ACOXL: variants seen among roughly 807,000 people sequenced by gnomAD.
ACOXL encodes the protein acyl-CoA oxidase like.
ACOXL carries 70 observed loss-of-function variants against 71.9 expected under a neutral mutation model. The observed-to-expected ratio is 0.97, with a 90% CI of 0.80 to 1.19. ACOXL has a LOEUF of 1.19. Ranked by LOEUF, ACOXL falls within the 50% of genes most tolerant of loss-of-function variation. The pLI is 0.00. For missense variants in ACOXL, 703 were observed against 736.3 expected (o/e 0.95, Z 0.52); for synonymous variants, 253 against 281.6 (o/e 0.90, Z 1.02).
intron 2 of ACOXL, among the ~76,000 whole-genome samples, chr2:110,768,982 G>A (rs1378800925): frequency 2.0e-5 from 3 of 151,296 alleles, no homozygotes; most frequent in Admixed American, 6.6e-5. Flanking sequence ...CCCTTTCCTC[G>A]GCCCACACAT....
intron 17 of ACOXL, chr2:111,094,382 A>C (rs2068697635): frequency 6.6e-6 from 1 of 152,242 alleles, no homozygotes; most frequent in African/African-American, 2.4e-5. Context: ...GCTGTAACAG[A>C]ATACCATAGA....
chr2:111,067,111 A>T (rs370732623), intron 16 of ACOXL, among the ~76,000 whole-genome samples: 5 of 152,198 alleles, frequency 3.3e-5, no homozygotes, highest in African/African-American at 1.2e-4. Flanking sequence ...CTATAATGAA[A>T]ACCTCAGTAA....
At chr2:110,841,602 A>T (rs143968309) in intron 10 of ACOXL, among the ~76,000 whole-genome samples, 197 bp downstream of exon 10, 3 of 152,214 alleles carry the variant, frequency 2.0e-5, no homozygotes, top group Non-Finnish European at 1.5e-5. Context: ...TTGTGAAAAC[A>T]TGGTGGTAGA....
intron 14 of ACOXL, among the ~76,000 whole-genome samples, chr2:111,022,428 C>T (rs1371851087): frequency 2.0e-5 from 3 of 151,620 alleles, no homozygotes; most frequent in African/African-American, 7.3e-5. Context: ...TCCTCACACA[C>T]ACACACACAC....
intron 1 of ACOXL, among the ~76,000 whole-genome samples, chr2:110,755,937 G>A (rs1679628116): frequency 6.6e-6 from 1 of 152,100 alleles, no homozygotes; most frequent in Non-Finnish European, 1.5e-5. Context: ...CAAGCAATAT[G>A]TGTATTGTTA....
At chr2:110,881,768 A>G (rs1696680462) in intron 10 of ACOXL, among the ~76,000 whole-genome samples, 1 of 152,094 alleles carries the variant, frequency 6.6e-6, no homozygotes, top group Admixed American at 6.6e-5. Flanking sequence ...TTCTTCTTTT[A>G]ATCAGTGTAA....
chr2:111,053,653 G>A (rs2149846844), intron 16 of ACOXL, among the ~76,000 whole-genome samples: 1 of 152,288 alleles, frequency 6.6e-6, no homozygotes, highest in East Asian at 1.9e-4. Context: ...CAGATCTCCT[G>A]GTGACAGTCT....
At chr2:111,049,734 C>G (rs2066192462) in intron 16 of ACOXL, among the ~76,000 whole-genome samples, 1 of 152,148 alleles carries the variant, frequency 6.6e-6, no homozygotes, top group Admixed American at 6.5e-5. Context: ...TATTCACCAC[C>G]AGAATGAGCA....
intron 10 of ACOXL, among the ~76,000 whole-genome samples, chr2:110,870,930 G>T (rs1225345903): frequency 6.6e-6 from 1 of 152,130 alleles, no homozygotes; most frequent in Non-Finnish European, 1.5e-5. Context: ...TCAAGGGAGA[G>T]GTCAGGCCTG....
At chr2:110,761,294 G>T (rs1264095820) in intron 1 of ACOXL, among the ~76,000 whole-genome samples, 1 of 152,058 alleles carries the variant, frequency 6.6e-6, no homozygotes, top group African/African-American at 2.4e-5. Flanking sequence ...AGCAATTGCT[G>T]TTGACACCCA....
chr2:111,029,202 G>T (rs1183005868), intron 14 of ACOXL, among the ~76,000 whole-genome samples: 1 of 152,224 alleles, frequency 6.6e-6, no homozygotes. Flanking sequence ...TCAGTAGCAT[G>T]TTTATTGCCT....
At chr2:111,080,133 C>G (rs1168228456) in intron 16 of ACOXL, among the ~76,000 whole-genome samples, 1 of 152,074 alleles carries the variant, frequency 6.6e-6, no homozygotes, top group Non-Finnish European at 1.5e-5. Context: ...ATTAGTCTGA[C>G]TAGCAATCTA....
intron 2 of ACOXL, among the ~76,000 whole-genome samples, chr2:110,781,139 T>C (rs1042475962): frequency 5.9e-5 from 9 of 152,206 alleles, no homozygotes; most frequent in South Asian, 2.1e-4. Context: ...GTGCTCTTGA[T>C]TGATATGATG....
chr2:110,915,428 ATTT>A (rs56961921), intron 11 of ACOXL, among the ~76,000 whole-genome samples: 33 of 108,014 alleles, frequency 3.1e-4, no homozygotes, highest in Admixed American at 1.1e-3. Context: ...ATATATATAT[ATTT>A]TTTTTTTTTT....
intron 1 of ACOXL, among the ~76,000 whole-genome samples, chr2:110,736,134 C>A (rs1234709535): frequency 6.6e-6 from 1 of 152,198 alleles, no homozygotes; most frequent in Non-Finnish European, 1.5e-5. Context: ...TTCATGAACA[C>A]GTTCTCACTA....
At position 110,801,778 on chromosome 2, in the gene ACOXL, C is replaced by G. The variant is rs1339533478; in HGVS notation, c.620+54C>G. ...ATGGTGCAGATGATCTCACTGCTCT[C>G]CAAAGTTGGCTTGGGTCTTGGGTCT... On this transcript the variant is annotated intron_variant, in intron 8 of 17. Transcript: ENST00000439055. 7 of 1,523,112 alleles carry G rather than the reference C, an allele frequency of 4.6e-6. No homozygotes were observed. In the Admixed American group the frequency reaches 1.2e-4, roughly 26 times the overall value. 94.3% of individuals were successfully genotyped at this position (1,523,112 alleles called of 1,614,324 possible).
chr2:111,084,310 A>C (rs189712342), intron 16 of ACOXL, among the ~76,000 whole-genome samples: 13 of 142,266 alleles, frequency 9.1e-5, no homozygotes, highest in East Asian at 2.2e-4. Context: ...CACACACACA[A>C]GAAGTGGAAG....
At chr2:110,781,183 C>T (rs1007573821) in intron 2 of ACOXL, among the ~76,000 whole-genome samples, 3 of 152,156 alleles carry the variant, frequency 2.0e-5, no homozygotes, top group South Asian at 2.1e-4. Context: ...ATAACTCATG[C>T]GCTTAAGCTC....
chr2:110,785,910 C>T (rs4290670), intron 3 of ACOXL, among the ~76,000 whole-genome samples: 120,126 of 152,190 alleles, frequency 0.79, 48,058 homozygotes, highest in African/African-American at 0.93. Flanking sequence ...ATCCTGTGGA[C>T]CCATATCCTC....
Sources: gnomAD v4.1 joint callset for allele counts (sites outside exome capture counted in the v4.1 genomes callset) on GRCh38, gnomAD v4.1.1 for gene constraint, MANE v1.5 for transcripts, NCBI Gene and HGNC (gene_info 2026-07-23, HGNC 2026-07-21) for gene names.